Variants in ADAM17 observed in about 807,000 individuals in gnomAD.
ADAM17 encodes ADAM metallopeptidase domain 17, also known as disintegrin and metalloproteinase domain-containing protein 17.
ADAM17 carries 39 observed loss-of-function variants against 96.7 expected under a neutral mutation model. The ratio of observed to expected loss-of-function variants is 0.40; its 90% confidence interval spans 0.31 to 0.53. The LOEUF is 0.53. Among genes scored for constraint, ADAM17 ranks in the 20% least tolerant of loss-of-function variants. The pLI, the probability that ADAM17 is intolerant of heterozygous loss-of-function variation, is 0.44. For missense variants in ADAM17, 777 were observed against 1,013.2 expected (o/e 0.77, Z 3.17); for synonymous variants, 344 against 359.2 (o/e 0.96, Z 0.48).
At chr2:9,551,002 G>T (rs796147717) in intron 1 of ADAM17, among the ~76,000 whole-genome samples, 1 of 151,800 alleles carries the variant, frequency 6.6e-6, no homozygotes, top group African/African-American at 2.4e-5. Context: ...TTGAACCTGG[G>T]AAGTGGAGGT....
In ADAM17 at chr2:9,490,365, G is replaced by A. The variant is rs1344724498; in HGVS notation, c.2287C>T (p.Gln763Ter). Residue 763 changes from glutamine (Q) to a stop codon, truncating the protein, a stop_gained, in exon 19 of 19, where the codon CAG becomes TAG. Coordinates refer to ENST00000310823, the MANE Select transcript of ADAM17 (RefSeq NM_003183.6). LOFTEE classifies it high-confidence loss of function. ...TGTGAGTCTGTGCTGGGGTCTTCCT[G>A]GATGGTGTCCATTCTCTGGTGGTCC... ...KLDHQRMDTI[Q>*]EDPSTDSHMD... 1.9e-6 allele frequency: 3 copies of A among 1,614,040 alleles called. No homozygotes were observed. Among genetic ancestry groups the A allele is most frequent in the African/African-American group, 2.7e-5 (2 of 74,912 alleles).
chr2:9,502,355 A>G (rs1420131665), intron 12 of ADAM17, 79 bp from the exon 13 acceptor site: 8 of 1,213,640 alleles, frequency 6.6e-6, no homozygotes, highest in African/African-American at 1.5e-5. Flanking sequence ...GTTACGTTAC[A>G]GTGACCTGAA....
At chr2:9,501,600 AATAC>A (rs1255418880) in intron 13 of ADAM17, among the ~76,000 whole-genome samples, 22 of 152,208 alleles carry the variant, frequency 1.4e-4, no homozygotes, top group Non-Finnish European at 2.4e-4. Flanking sequence ...CCAACAGTGA[AATAC>A]ATATAGATAC....
chr2:9,536,724 T>C lies in ADAM17; in HGVS notation c.335A>G (p.Gln112Arg), dbSNP rs767315925. Residue 112 changes from glutamine (Q) to arginine (R), a missense_variant, in exon 3 of 19, where the codon CAG (glutamine) becomes CGG (arginine). Physicochemically the swap from Gln to Arg is conservative, Grantham distance 43. This residue lies in a region of ADAM17 where 446 missense variants were observed against 664.7 expected (regional missense o/e 0.67). Coordinates refer to ENST00000310823, the MANE Select transcript of ADAM17 (RefSeq NM_003183.6). ...AACCACGTGTCCAGTGAAGAAGTCC[T>C]GCCATTTTACAGTGTACTCGCTTTC... ...KNESEYTVKWQDFFTGHVVGE... is the reference protein window; with the variant it reads ...KNESEYTVKWRDFFTGHVVGE... 6.2e-7 allele frequency: 1 copy of C among 1,614,088 alleles called. No individual in the cohort carries two copies. The highest frequency in any genetic ancestry group is 8.5e-7 in the Non-Finnish European group (1 of 1,179,978).
intron 4 of ADAM17, among the ~76,000 whole-genome samples, chr2:9,532,859 CAG>C (rs376165619): frequency 2.0e-5 from 3 of 152,124 alleles, no homozygotes; most frequent in South Asian, 4.1e-4. Context: ...TGGATGGAAA[CAG>C]AATTCCTATT....
Position 9,526,230 on chromosome 2 carries a change from C to T in ADAM17, c.634G>A (p.Val212Met). The change falls in exon 6 of 19, where the codon GTG (valine) becomes ATG (methionine). Residue 212 changes from valine (V) to methionine (M), a missense_variant. Coordinates refer to ENST00000310823, the MANE Select transcript of ADAM17 (RefSeq NM_003183.6). Reference protein sequence around the residue: ...REPPEELVHRVKRRADPDPMK... With the variant: ...REPPEELVHRMKRRADPDPMK... ...GGATCTGGGTCAGCTCTTCTTTTCACTCGATGAACAAGCTCTAATATGAAT... is the reference window on the plus strand; with the variant it reads ...GGATCTGGGTCAGCTCTTCTTTTCATTCGATGAACAAGCTCTAATATGAAT... 1 of 1,613,568 alleles carries T rather than the reference C, an allele frequency of 6.2e-7. No individual in the cohort carries two copies. Among genetic ancestry groups the T allele is most frequent in the Non-Finnish European group, 8.5e-7 (1 of 1,179,848 alleles).
chr2:9,526,364 G>A, intron 5 of ADAM17, 120 bp from the exon 6 acceptor site: 7 of 1,028,460 alleles, frequency 6.8e-6, no homozygotes, highest in South Asian at 4.0e-5. Flanking sequence ...TATCACTAAA[G>A]GATTCTGAAC....
At chr2:9,538,680 A>G (rs1665086276) in intron 2 of ADAM17, among the ~76,000 whole-genome samples, 1 of 152,264 alleles carries the variant, frequency 6.6e-6, no homozygotes, top group African/African-American at 2.4e-5. Context: ...TTTTCTAAAG[A>G]TAAAGACCAA....
intron 10 of ADAM17, among the ~76,000 whole-genome samples, chr2:9,510,404 G>A (rs1042287321): frequency 6.6e-6 from 1 of 151,916 alleles, no homozygotes. Context: ...GGTGGCTCAC[G>A]CCTGTAATCC....
rs1316515216 is a variant in ADAM17, at chr2:9,490,193, T to C, written c.2459A>G (p.Lys820Arg). ...AGAACTAAATTAGCACTCTGTTTCT[T>C]TGCTGTCAACACGATTCTGACGCTG... is the stretch of plus-strand genomic sequence containing the variant. Reference protein sequence around the residue: ...KLQRQNRVDSKETEC With the variant: ...KLQRQNRVDSRETEC Residue 820 changes from lysine to arginine, a missense_variant, in exon 19 of 19, where the codon AAA (lysine) becomes AGA (arginine). By Grantham distance (26) the Lys-to-Arg change is conservative. Transcript: ENST00000310823. 3 of 1,595,462 alleles carry C rather than the reference T, an allele frequency of 1.9e-6. No individual in the cohort carries two copies. Among genetic ancestry groups the C allele is most frequent in the East Asian group, 4.5e-5 (2 of 44,340 alleles).
chr2:9,517,915 T>A lies in ADAM17; in HGVS notation c.1177A>T (p.Thr393Ser), dbSNP rs1664136239. ...GLTSTKNYGKTILTKEADLVT... is the reference protein window; with the variant it reads ...GLTSTKNYGKSILTKEADLVT... ...AAAGAACATACCTTTGTAAGGATGG[T>A]TTTACCATAATTCTTTGTGCTCGTC... Residue 393 changes from threonine (T) to serine (S), a missense_variant, in exon 10 of 19, where the codon ACC (threonine) becomes TCC (serine). Physicochemically the swap from Thr to Ser is moderately conservative, Grantham distance 58. This residue lies in a region of ADAM17 where 446 missense variants were observed against 664.7 expected (regional missense o/e 0.67). Coordinates refer to ENST00000310823, the MANE Select transcript of ADAM17 (RefSeq NM_003183.6). 6.3e-7 allele frequency: 1 copy of A among 1,596,374 alleles called. No individual in the cohort carries two copies. The highest frequency in any genetic ancestry group is 1.3e-5 in the African/African-American group (1 of 74,236).
rs113073271 is a variant in ADAM17 at position 9,549,690 on chromosome 2, CT to C, written c.97+5818del. 2.2e-3 allele frequency among the ~76,000 whole-genome samples: 340 copies of C among 152,078 alleles called. 2 individuals are homozygous for C. Among genetic ancestry groups the C allele is most frequent in the African/African-American group, 7.6e-3 (315 of 41,466 alleles). On this transcript the variant is annotated intron_variant, in intron 1 of 18. Transcript: ENST00000310823. ...CACCGCACCTGGCTAATTTTTGTTT[CT>C]ATTTTTTTGTAGAGACAAGGTCTTG... is the stretch of plus-strand genomic sequence containing the variant.
intron 10 of ADAM17, among the ~76,000 whole-genome samples, chr2:9,511,647 AT>A (rs966828778): frequency 2.0e-5 from 3 of 151,998 alleles, no homozygotes; most frequent in African/African-American, 7.3e-5. Context: ...TAAAGCTAAA[AT>A]TTTTTTTCCA....
chr2:9,494,905 C>G, intron 14 of ADAM17, 138 bp from the exon 15 acceptor site: 1 of 1,026,540 alleles, frequency 9.7e-7, no homozygotes, highest in Non-Finnish European at 1.4e-6. Flanking sequence ...TAATACTATC[C>G]ATAGCCCCCA....
intron 10 of ADAM17, among the ~76,000 whole-genome samples, chr2:9,514,514 TATAA>T (rs1366767422): frequency 1.3e-5 from 1 of 74,716 alleles, no homozygotes; most frequent in African/African-American, 5.3e-5. Context: ...AAATTTAAAA[TATAA>T]ATATATATAT....
At chr2:9,546,550 A>G (rs569752775) in intron 1 of ADAM17, among the ~76,000 whole-genome samples, 8 of 152,152 alleles carry the variant, frequency 5.3e-5, no homozygotes, top group Non-Finnish European at 1.0e-4. Context: ...AGGCTTTACA[A>G]CAGAATTTAT....
At chr2:9,552,215 G>A (rs546610548) in intron 1 of ADAM17, among the ~76,000 whole-genome samples, 126 of 152,178 alleles carry the variant, frequency 8.3e-4, no homozygotes, top group African/African-American at 2.9e-3. Flanking sequence ...ATAGAAAATG[G>A]TGAAGGATCC....
rs140536552 is a variant in ADAM17 at position 9,494,722 on chromosome 2, C to T, written c.1829G>A (p.Arg610His). Residue 610 changes from arginine to histidine, a missense_variant, in exon 15 of 19, where the codon CGC (arginine) becomes CAC (histidine). This residue lies in a region of ADAM17 where 446 missense variants were observed against 664.7 expected (regional missense o/e 0.67). Transcript: ENST00000310823. ...TTCAGCATCGACATAGGGCACACAG[C>T]GGCCAGAAAGGTCCCTGCAGCACAC... Reference protein sequence around the residue: ...CKVCCRDLSGRCVPYVDAEQK... With the variant: ...CKVCCRDLSGHCVPYVDAEQK... The T allele has an allele frequency of 5.0e-6, 8 of 1,613,978 alleles. No homozygotes were observed. Among genetic ancestry groups the T allele is most frequent in the Admixed American group, 1.7e-5 (1 of 60,000 alleles).
In ADAM17 at chr2:9,510,048, C is replaced by T. The variant is rs769427627; in HGVS notation, c.1275G>A (p.Pro425=). Residue 425 remains proline (P), a synonymous_variant, in exon 11 of 19, where the codon CCG becomes CCA. Transcript: ENST00000310823. ...CATATTTCCCTCCCTGGTCCTCATT[C>T]GGGGCACATTCTGCTAGACCATCCG... is the stretch of plus-strand genomic sequence containing the variant. ...HDPDGLAECA[P]NEDQGGKYVM... 12 of 1,614,138 alleles carry T rather than the reference C, an allele frequency of 7.4e-6. No homozygotes were observed. The highest frequency in any genetic ancestry group is 1.7e-5 in the Admixed American group (1 of 60,014).
Sources: allele counts gnomAD v4.1 joint callset (sites outside exome capture counted in the v4.1 genomes callset), GRCh38; gene constraint gnomAD v4.1.1; regional missense constraint gnomAD v4.1.1; transcripts MANE v1.5; gene names NCBI Gene and HGNC (gene_info 2026-07-23, HGNC 2026-07-21).